Variants in PRR14 observed in about 807,000 individuals in gnomAD.
PRR14 encodes proline-rich protein 14.
PRR14 carries 33 observed loss-of-function variants against 57.2 expected under a neutral mutation model. That is an observed-to-expected ratio of 0.58 (90% CI 0.44 to 0.77). The LOEUF (loss-of-function observed/expected upper bound fraction) is 0.77. Among genes scored for constraint, PRR14 ranks in the 30% least tolerant of loss-of-function variants. The pLI is 0.00. For missense variants in PRR14, 716 were observed against 788.1 expected (o/e 0.91, Z 1.10); for synonymous variants, 303 against 314.7 (o/e 0.96, Z 0.39).
In PRR14 at chr16:30,656,358, C is replaced by T. The variant is rs749645010; in HGVS notation, c.*47C>T. 9 of 1,527,094 alleles carry T rather than the reference C, an allele frequency of 5.9e-6. 1 individual carries two copies. In the South Asian group the frequency reaches 1.1e-4, roughly 19 times the overall value. 94.6% of individuals were successfully genotyped at this position (1,527,094 alleles called of 1,614,324 possible). A position where few individuals can be genotyped will look rare whatever the true frequency, so the allele number is the denominator to read the frequency against. ...CATCCTGAAGGGACAGGAAACCTCC[C>T]AGGCAGTTATTTTTTTTTCTCTATA... On this transcript the variant is annotated 3_prime_UTR_variant, in exon 12 of 12. Transcript: ENST00000300835.
In PRR14 at chr16:30,655,219, T is replaced by G. The variant is rs754440219; in HGVS notation, c.1244+5T>G. 1 of 1,591,646 alleles carries G rather than the reference T, an allele frequency of 6.3e-7. No individual in the cohort carries two copies. Among genetic ancestry groups the G allele is most frequent in the Non-Finnish European group, 8.6e-7 (1 of 1,167,414 alleles). On this transcript the variant is annotated splice_donor_5th_base_variant and intron_variant, in intron 8 of 11. Transcript: ENST00000300835. This position sits in a 1 kb window ranked among gnomAD's most constrained non-coding sequence, Gnocchi z 4.6. ...CTCCGAACCAGCAGAACCCAGGTAG[T>G]GCTCTCAAAAAACCCCCTTGAAGCC...
At position 30,651,963 on chromosome 16, in the gene PRR14, T is replaced by C. The variant is rs748710800; in HGVS notation, c.191T>C (p.Met64Thr). Residue 64 changes from methionine to threonine, a missense_variant and splice_region_variant, in exon 3 of 12, where the codon ATG becomes ACG. Coordinates refer to ENST00000300835, the MANE Select transcript of PRR14 (RefSeq NM_024031.5). The surrounding 1 kb of genome is among the most constrained non-coding windows in gnomAD (Gnocchi z 5.0). ...VVLEDVMAVHMVPVVPSKQTS... is the reference protein window; with the variant it reads ...VVLEDVMAVHTVPVVPSKQTS... ...CTAGAAGATGTCATGGCTGTTCACA[T>C]GGTGAGCCCCCTGAACCAAGAGACT... 2 of 1,528,560 alleles carry C rather than the reference T, an allele frequency of 1.3e-6. No homozygotes were observed. Among genetic ancestry groups the C allele is most frequent in the Non-Finnish European group, 1.8e-6 (2 of 1,141,084 alleles). The allele number at this position is 1,528,560 out of a possible 1,614,324, so 94.7% of individuals were successfully genotyped here.
chr16:30,656,337 C>T lies in PRR14; in HGVS notation c.*26C>T, dbSNP rs757836600. The T allele has an allele frequency of 1.9e-6, 3 of 1,581,680 alleles. No individual in the cohort carries two copies. Among genetic ancestry groups the T allele is most frequent in the South Asian group, 1.2e-5 (1 of 86,372 alleles). The stretch of plus-strand genomic sequence containing the variant: ...GTGCCCCATCTGTTGGTCATCCATC[C>T]TGAAGGGACAGGAAACCTCCCAGGC... On this transcript the variant is annotated 3_prime_UTR_variant, in exon 12 of 12. Coordinates refer to ENST00000300835, the MANE Select transcript of PRR14 (RefSeq NM_024031.5).
rs542860580 is a variant in PRR14, at chr16:30,651,037, G to T, written c.-141G>T. On this transcript the variant is annotated 5_prime_UTR_variant, in exon 1 of 12. Coordinates refer to ENST00000300835, the MANE Select transcript of PRR14 (RefSeq NM_024031.5). The surrounding 1 kb of genome is among the most constrained non-coding windows in gnomAD (Gnocchi z 5.0). ...GCTGAGTTCGGAGATGCTCCAGCTC[G>T]GGCCGCCCCTGTCTGAGCGGAGCTT... is the stretch of plus-strand genomic sequence containing the variant. The T allele has an allele frequency of 2.2e-6, 1 of 456,502 alleles. No homozygotes were observed. Among genetic ancestry groups the T allele is most frequent in the Admixed American group, 2.3e-5 (1 of 42,580 alleles). 28.3% of individuals were successfully genotyped at this position (456,502 alleles called of 1,614,324 possible). A position where few individuals can be genotyped will look rare whatever the true frequency, so the allele number is the denominator to read the frequency against.
rs1030782671 is a variant in PRR14 at position 30,655,798 on chromosome 16, C to T, written c.1407-70C>T. On this transcript the variant is annotated intron_variant, in intron 10 of 11. Transcript: ENST00000300835. The surrounding 1 kb of genome is among the most constrained non-coding windows in gnomAD (Gnocchi z 4.6). Reference sequence around the variant, plus strand: ...ATGTCCCAGAAACTGAAATACAGACCAGGCCTTACCTGTCCCTTCAGGCCC... The same window carrying T: ...ATGTCCCAGAAACTGAAATACAGACTAGGCCTTACCTGTCCCTTCAGGCCC... The T allele has an allele frequency of 6.6e-7, 1 of 1,526,594 alleles. No homozygotes were observed. Among genetic ancestry groups the T allele is most frequent in the Non-Finnish European group, 9.1e-7 (1 of 1,100,494 alleles). The allele number at this position is 1,526,594 out of a possible 1,614,324, so 94.6% of individuals were successfully genotyped here. A position where few individuals can be genotyped will look rare whatever the true frequency, so the allele number is the denominator to read the frequency against.
chr16:30,651,987 C>T lies in PRR14; in HGVS notation c.192+23C>T, dbSNP rs773630489. The T allele has an allele frequency of 2.0e-6, 3 of 1,520,338 alleles. No individual in the cohort carries two copies. The highest frequency in any genetic ancestry group is 2.2e-5 in the Admixed American group (1 of 44,630). 94.2% of individuals were successfully genotyped at this position (1,520,338 alleles called of 1,614,324 possible). ...ATGGTGAGCCCCCTGAACCAAGAGA[C>T]TCTCTATTCCCCCATGACTTTCCTC... On this transcript the variant is annotated intron_variant, in intron 3 of 11. Transcript: ENST00000300835. This position sits in a 1 kb window ranked among gnomAD's most constrained non-coding sequence, Gnocchi z 5.0.
At chr16:30,653,476 A>G in intron 6 of PRR14, 68 bp downstream of exon 6, 1 of 1,499,128 alleles carries the variant, frequency 6.7e-7, no homozygotes, top group Non-Finnish European at 9.3e-7. Context: ...AGCCAGAGCT[A>G]GGGGCATCGG....
At chr16:30,654,149 A>G in intron 6 of PRR14, 81 bp from the exon 7 acceptor site, 1 of 914,416 alleles carries the variant, frequency 1.1e-6, no homozygotes, top group Non-Finnish European at 1.7e-6. Context: ...AAAAAGAAGA[A>G]GCCTTAAGGG....
chr16:30,653,656 C>T (rs560135627), intron 6 of PRR14, among the ~76,000 whole-genome samples: 3 of 152,276 alleles, frequency 2.0e-5, no homozygotes, highest in South Asian at 4.1e-4. Flanking sequence ...CTCTACAAAA[C>T]GTTTTGTTTA....
rs2052308293 is a variant in PRR14 at position 30,651,262 on chromosome 16, TAG to T, written c.-51+136_-51+137del. ...GGATCGCAGAGGGATCCAGCGGAAA[TAG>T]CCTCCCAGGACCGGGATCCCCGTGG... On this transcript the variant is annotated intron_variant, in intron 1 of 11. Transcript: ENST00000300835. This position sits in a 1 kb window ranked among gnomAD's most constrained non-coding sequence, Gnocchi z 5.0. 1.5e-5 allele frequency: 5 copies of T among 322,728 alleles called. No individual in the cohort carries two copies. Among genetic ancestry groups the T allele is most frequent in the Non-Finnish European group, 3.1e-5 (5 of 161,176 alleles). The allele number at this position is 322,728 out of a possible 1,614,324, so 20.0% of individuals were successfully genotyped here.
At position 30,655,822 on chromosome 16, in the gene PRR14, C is replaced by T; in HGVS notation, c.1407-46C>T. 1 of 1,596,554 alleles carries T rather than the reference C, an allele frequency of 6.3e-7. No individual in the cohort carries two copies. The highest frequency in any genetic ancestry group is 8.6e-7 in the Non-Finnish European group (1 of 1,163,968). On this transcript the variant is annotated intron_variant, in intron 10 of 11. Coordinates refer to ENST00000300835, the MANE Select transcript of PRR14 (RefSeq NM_024031.5). The surrounding 1 kb of genome is among the most constrained non-coding windows in gnomAD (Gnocchi z 4.6). ...CCAGGCCTTACCTGTCCCTTCAGGCCCCACTGGCCCAAGGTTTCTCAGTGG... is the reference window on the plus strand; with the variant it reads ...CCAGGCCTTACCTGTCCCTTCAGGCTCCACTGGCCCAAGGTTTCTCAGTGG...
chr16:30,653,071 G>C lies in PRR14; in HGVS notation c.472G>C (p.Glu158Gln). 1 of 1,612,756 alleles carries C rather than the reference G, an allele frequency of 6.2e-7. No individual in the cohort carries two copies. Among genetic ancestry groups the C allele is most frequent in the Non-Finnish European group, 8.5e-7 (1 of 1,179,412 alleles). The change falls in exon 5 of 12, where the codon GAA becomes CAA. Residue 158 changes from glutamate (E) to glutamine (Q), a missense_variant. Physicochemically the swap from Glu to Gln is conservative, Grantham distance 29. Coordinates refer to ENST00000300835, the MANE Select transcript of PRR14 (RefSeq NM_024031.5). ...APQPTLVVML[E>Q]DIASPRPPAE... The stretch of plus-strand genomic sequence containing the variant: ...CCAGCCCACCCTGGTGGTGATGCTG[G>C]AAGACATCGCCAGTCCTAGACCCCC...
Position 30,651,686 on chromosome 16 carries a change from C to A in PRR14, c.23+18C>A, listed in dbSNP as rs371371439. On this transcript the variant is annotated intron_variant, in intron 2 of 11. Transcript: ENST00000300835. This position sits in a 1 kb window ranked among gnomAD's most constrained non-coding sequence, Gnocchi z 5.0. ...GACTCCAGGTGAGAGCGTACCCGGGCGGCCCGCCTGTCTTGACCCCGGGAG... is the reference window on the plus strand; with the variant it reads ...GACTCCAGGTGAGAGCGTACCCGGGAGGCCCGCCTGTCTTGACCCCGGGAG... The A allele has an allele frequency of 2.5e-6, 4 of 1,611,692 alleles. No individual in the cohort carries two copies. Among genetic ancestry groups the A allele is most frequent in the African/African-American group, 1.3e-5 (1 of 74,858 alleles).
At position 30,651,613 on chromosome 16, in the gene PRR14, C is replaced by A. The variant is rs748220851; in HGVS notation, c.-33C>A. On this transcript the variant is annotated 5_prime_UTR_variant, in exon 2 of 12. Coordinates refer to ENST00000300835, the MANE Select transcript of PRR14 (RefSeq NM_024031.5). The surrounding 1 kb of genome is among the most constrained non-coding windows in gnomAD (Gnocchi z 5.0). ...TACCCCAGGCCGCAGCCTGGGATTC[C>A]CCAGGGACCCCCCCGGAGCCGCCGC... 3.2e-6 allele frequency: 5 copies of A among 1,569,244 alleles called. No homozygotes were observed. In the Admixed American group the frequency reaches 7.4e-5, roughly 23 times the overall value.
chr16:30,652,287 C>A, intron 3 of PRR14: 1 of 575,212 alleles, frequency 1.7e-6, no homozygotes, highest in South Asian at 1.5e-5. Flanking sequence ...TGGTCTCAAA[C>A]TGGCATCAAG....
At chr16:30,652,564 T>A in intron 3 of PRR14, 157 bp from the exon 4 acceptor site, 1 of 877,994 alleles carries the variant, frequency 1.1e-6, no homozygotes, top group Non-Finnish European at 1.8e-6. Flanking sequence ...ATCTGGCCCC[T>A]AATTCAGTCC....
chr16:30,653,956 G>A (rs2052338936), intron 6 of PRR14, among the ~76,000 whole-genome samples: 1 of 152,106 alleles, frequency 6.6e-6, no homozygotes, highest in Non-Finnish European at 1.5e-5. Flanking sequence ...GAGCCACCAT[G>A]CTCAGACAAG....
intron 6 of PRR14, 37 bp downstream of exon 6, chr16:30,653,445 G>A (rs989611603): frequency 1.9e-6 from 3 of 1,598,470 alleles, no homozygotes; most frequent in Admixed American, 3.3e-5. Flanking sequence ...AAAGGATCCA[G>A]GCAACAGCCA....
intron 3 of PRR14, 126 bp downstream of exon 3, chr16:30,652,090 A>G (rs2052319475): frequency 9.2e-7 from 1 of 1,085,262 alleles, no homozygotes; most frequent in African/African-American, 1.6e-5. Flanking sequence ...GCCCTCAGGC[A>G]GCCTCCCTCA....
Sources: gnomAD v4.1 joint callset for allele counts (sites outside exome capture counted in the v4.1 genomes callset) on GRCh38, gnomAD v4.1.1 for gene constraint, Gnocchi (gnomAD v3.1) non-coding constraint, MANE v1.5 for transcripts, NCBI Gene and HGNC (gene_info 2026-07-23, HGNC 2026-07-21) for gene names.